Variants in RAB3GAP2 observed in about 807,000 individuals in gnomAD.
The protein encoded by RAB3GAP2 is RAB3 GTPase activating non-catalytic protein subunit 2, also known as rab3 GTPase-activating protein non-catalytic subunit.
A neutral mutation model predicts 185.3 loss-of-function variants in RAB3GAP2; 87 were observed. That is an observed-to-expected ratio of 0.47 (90% CI 0.39 to 0.56). The LOEUF (loss-of-function observed/expected upper bound fraction) is 0.56, where lower values mean the gene tolerates loss of function less well. Ranked by LOEUF, RAB3GAP2 falls within the 20% of genes least tolerant of loss-of-function variation. The probability of loss-of-function intolerance (pLI) is 0.00; values close to 1 mark genes in which losing one functional copy is unlikely to be tolerated. For missense variants in RAB3GAP2, 1,492 were observed against 1,638.2 expected (o/e 0.91, Z 1.54); for synonymous variants, 554 against 576.1 (o/e 0.96, Z 0.55).
At chr1:220,216,462 A>G (rs533510867) in intron 2 of RAB3GAP2, among the ~76,000 whole-genome samples, 14 of 152,314 alleles carry the variant, frequency 9.2e-5, no homozygotes, top group Admixed American at 2.6e-4. Flanking sequence ...ATCACTCCTC[A>G]TGATGGCTTG....
intron 1 of RAB3GAP2, among the ~76,000 whole-genome samples, chr1:220,251,163 TG>T (rs2102522652): frequency 6.6e-6 from 1 of 152,328 alleles, no homozygotes; most frequent in East Asian, 1.9e-4. Context: ...GTTAATAAAT[TG>T]TGTTAAAACA....
In RAB3GAP2 at chr1:220,193,530, A is replaced by G. The variant is rs1658664731; in HGVS notation, c.1131-151T>C. 3.8e-6 allele frequency: 3 copies of G among 799,828 alleles called. No homozygotes were observed. In the East Asian group the frequency reaches 8.0e-5, roughly 21 times the overall value. 49.5% of individuals were successfully genotyped at this position (799,828 alleles called of 1,614,324 possible). A position where few individuals can be genotyped will look rare whatever the true frequency, so the allele number is the denominator to read the frequency against. On this transcript the variant is annotated intron_variant, in intron 12 of 34. Coordinates refer to ENST00000358951, the MANE Select transcript of RAB3GAP2 (RefSeq NM_012414.4). The stretch of plus-strand genomic sequence containing the variant: ...TGGATTAATAGTTAATTTATTAATC[A>G]CAACTGACATTTGTAATATAAAATA...
At chr1:220,154,285 TCTCCTTG>T in intron 31 of RAB3GAP2, 2 of 508,892 alleles carry the variant, frequency 3.9e-6, no homozygotes, top group Non-Finnish European at 6.5e-6. Context: ...TATAGTCTCC[TCTCCTTG>T]CATGGAGGCT....
chr1:220,208,417 C>G (rs974801559), intron 7 of RAB3GAP2: 1 of 152,162 alleles, frequency 6.6e-6, no homozygotes, highest in Non-Finnish European at 1.5e-5. Flanking sequence ...ACACTCTTTA[C>G]TTGAAAGAAT....
chr1:220,243,121 G>GA (rs1659726833), intron 1 of RAB3GAP2, among the ~76,000 whole-genome samples: 1 of 152,006 alleles, frequency 6.6e-6, no homozygotes, highest in African/African-American at 2.4e-5. Flanking sequence ...TTGGGAGGCC[G>GA]AGGGGGGCGG....
intron 2 of RAB3GAP2, among the ~76,000 whole-genome samples, chr1:220,214,562 A>C (rs537791217): frequency 6.6e-5 from 10 of 152,188 alleles, no homozygotes; most frequent in African/African-American, 1.9e-4. Flanking sequence ...GAATCACTCC[A>C]GGAATTCAGC....
Position 220,167,601 on chromosome 1 carries a change from C to T in RAB3GAP2, c.2881G>A (p.Glu961Lys). The change falls in exon 25 of 35, where the codon GAA becomes AAA. Residue 961 changes from glutamate to lysine, a missense_variant. By Grantham distance (56) the Glu-to-Lys change is moderately conservative. This residue lies in a region of RAB3GAP2 where 681 missense variants were observed against 689.1 expected (regional missense o/e 0.99). Transcript: ENST00000358951. Reference protein sequence around the residue: ...FSPEVLKLANEERDAENPDEP... With the variant: ...FSPEVLKLANKERDAENPDEP... ...TCTGGGTTTTCTGCATCTCTTTCTTCATTAGCCAGTTTTAATACTTCAGGG... is the reference window on the plus strand; with the variant it reads ...TCTGGGTTTTCTGCATCTCTTTCTTTATTAGCCAGTTTTAATACTTCAGGG... The T allele has an allele frequency of 1.2e-6, 2 of 1,614,142 alleles. No homozygotes were observed. The highest frequency in any genetic ancestry group is 1.7e-6 in the Non-Finnish European group (2 of 1,180,006).
At chr1:220,203,668 C>T (rs949286209) in intron 8 of RAB3GAP2, among the ~76,000 whole-genome samples, 4 of 152,186 alleles carry the variant, frequency 2.6e-5, no homozygotes, top group African/African-American at 9.6e-5. Flanking sequence ...AAACTTCTTA[C>T]CCACAGGAAA....
chr1:220,217,214 C>T (rs1344053247), intron 2 of RAB3GAP2, among the ~76,000 whole-genome samples: 3 of 152,006 alleles, frequency 2.0e-5, no homozygotes, highest in Admixed American at 6.6e-5. Context: ...TCTTTGGAAG[C>T]TTGTCTTTAC....
At chr1:220,223,271 C>CA (rs1558161308) in intron 2 of RAB3GAP2, among the ~76,000 whole-genome samples, 1 of 151,910 alleles carries the variant, frequency 6.6e-6, no homozygotes, top group African/African-American at 2.4e-5. Flanking sequence ...AAGAAAGTGA[C>CA]AAAAAAATTC....
At chr1:220,157,614 A>G (rs1323539140) in intron 30 of RAB3GAP2, 126 bp from the exon 31 acceptor site, 1 of 1,101,044 alleles carries the variant, frequency 9.1e-7, no homozygotes, top group African/African-American at 1.6e-5. Context: ...TTGTAATAAA[A>G]AAACACAAAG....
intron 2 of RAB3GAP2, among the ~76,000 whole-genome samples, chr1:220,227,837 C>T (rs144207907): frequency 1.6e-3 from 240 of 152,128 alleles, no homozygotes; most frequent in Middle Eastern, 3.4e-3. Context: ...CTGCAACATC[C>T]GCCTCCCGGG....
intron 29 of RAB3GAP2, 105 bp downstream of exon 29, chr1:220,159,281 G>T: frequency 1.1e-6 from 1 of 931,170 alleles, no homozygotes; most frequent in Non-Finnish European, 1.7e-6. Flanking sequence ...CTTCTGATAC[G>T]TCATCACAAT....
At chr1:220,250,501 T>C (rs1440582756) in intron 1 of RAB3GAP2, among the ~76,000 whole-genome samples, 1 of 152,226 alleles carries the variant, frequency 6.6e-6, no homozygotes, top group Non-Finnish European at 1.5e-5. Context: ...ACTTGAACAT[T>C]TGAGTTAATG....
intron 12 of RAB3GAP2, 133 bp downstream of exon 12, chr1:220,194,945 A>G: frequency 1.1e-6 from 1 of 916,648 alleles, no homozygotes; most frequent in Non-Finnish European, 1.8e-6. Flanking sequence ...CTAGTGGGAA[A>G]AGAAATTCCA....
chr1:220,186,180 T>A (rs1658504136), intron 17 of RAB3GAP2, among the ~76,000 whole-genome samples: 1 of 152,182 alleles, frequency 6.6e-6, no homozygotes, highest in African/African-American at 2.4e-5. Flanking sequence ...AGGCAGAATC[T>A]ATAGGCCCTG....
At chr1:220,178,348 T>C (rs899179124) in intron 21 of RAB3GAP2, among the ~76,000 whole-genome samples, 2 of 152,228 alleles carry the variant, frequency 1.3e-5, no homozygotes, top group Admixed American at 6.5e-5. Flanking sequence ...ATGATGCTAA[T>C]GTGATTGTCA....
chr1:220,241,063 T>C (rs1659688930), intron 1 of RAB3GAP2, among the ~76,000 whole-genome samples: 1 of 152,100 alleles, frequency 6.6e-6, no homozygotes, highest in Admixed American at 6.5e-5. Flanking sequence ...AAATTATAGA[T>C]GTCTTGTTTA....
chr1:220,153,737 G>A (rs1358456267), intron 32 of RAB3GAP2: 1 of 488,814 alleles, frequency 2.0e-6, no homozygotes. Context: ...ATCTCCTAAT[G>A]CTATCCCTCC....
Sources: allele counts gnomAD v4.1 joint callset (sites outside exome capture counted in the v4.1 genomes callset), GRCh38; gene constraint gnomAD v4.1.1; regional missense constraint gnomAD v4.1.1; transcripts MANE v1.5; gene names NCBI Gene and HGNC (gene_info 2026-07-23, HGNC 2026-07-21).